THRB: variants seen among roughly 807,000 people sequenced by gnomAD.
THRB encodes the protein nuclear receptor subfamily 1 group A member 2.
THRB carries 12 observed loss-of-function variants against 47.8 expected under a neutral mutation model. The observed-to-expected ratio is 0.25, with a 90% CI of 0.16 to 0.41. The LOEUF (loss-of-function observed/expected upper bound fraction) is 0.41, where lower values mean the gene tolerates loss of function less well. Ranked by LOEUF, THRB falls within the 10% of genes least tolerant of loss-of-function variation. THRB has a pLI of 1.00. For missense variants in THRB, 348 were observed against 589.2 expected (o/e 0.59, Z 4.24); for synonymous variants, 218 against 212.2 (o/e 1.03, Z -0.24).
In THRB at chr3:24,218,427, T is replaced by C. The variant is rs2046836096; in HGVS notation, c.22+10511A>G. On this transcript the variant is annotated intron_variant, in intron 4 of 10. Coordinates refer to ENST00000646209, the MANE Select transcript of THRB (RefSeq NM_001354712.2). ...AAAATTCTAGCTAGGGTGCTAAATT[T>C]GTATGTGACACTAGTGAGAAGACAT... Among the ~76,000 whole-genome samples the C allele has an allele frequency of 2.0e-5, 3 of 150,878 alleles. 1 individual carries two copies. The South Asian group carries it at 6.3e-4, about 31-fold the overall frequency.
chr3:24,152,531 G>A (rs1233471356), intron 5 of THRB, 41 bp from the exon 6 acceptor site: 1 of 1,101,704 alleles, frequency 9.1e-7, no homozygotes, highest in Admixed American at 1.7e-5. Context: ...AAAATAATAT[G>A]TTAACGTCAA....
chr3:24,280,515 TA>T (rs1216565011), intron 3 of THRB, among the ~76,000 whole-genome samples: 1 of 152,112 alleles, frequency 6.6e-6, no homozygotes, highest in East Asian at 1.9e-4. Flanking sequence ...CTGGAAACTC[TA>T]AAAAGCAGAG....
At chr3:24,464,255 GAA>G (rs557030205) in intron 1 of THRB, among the ~76,000 whole-genome samples, 1 of 130,354 alleles carries the variant, frequency 7.7e-6, no homozygotes. Context: ...AAAAAAAAAA[GAA>G]AAAAAAAAAA....
intron 2 of THRB, among the ~76,000 whole-genome samples, chr3:24,321,207 T>C (rs377458652): frequency 6.6e-6 from 1 of 152,148 alleles, no homozygotes; most frequent in Non-Finnish European, 1.5e-5. Context: ...ACATAACCAG[T>C]TGTGTTACTA....
rs551456103 is a variant in THRB at position 24,447,291 on chromosome 3, T to C, written c.-261+47361A>G. ...AGAAAACCCCAACAACCCTTAAGTATGATTGAATATTTTGTACTCTGTAAT... is the reference window on the plus strand; with the variant it reads ...AGAAAACCCCAACAACCCTTAAGTACGATTGAATATTTTGTACTCTGTAAT... On this transcript the variant is annotated intron_variant, in intron 1 of 10. Transcript: ENST00000646209. Among the ~76,000 whole-genome samples the C allele has an allele frequency of 4.6e-5, 7 of 152,292 alleles. No individual in the cohort carries two copies. In the South Asian group the frequency reaches 1.2e-3, roughly 27 times the overall value.
At chr3:24,174,713 C>A (rs994942762) in intron 5 of THRB, among the ~76,000 whole-genome samples, 2 of 152,076 alleles carry the variant, frequency 1.3e-5, no homozygotes, top group Non-Finnish European at 2.9e-5. Context: ...CTGGCTTGGT[C>A]ACACACAGTT....
chr3:24,309,283 A>G (rs1296150573), intron 2 of THRB, among the ~76,000 whole-genome samples: 1 of 152,250 alleles, frequency 6.6e-6, no homozygotes, highest in East Asian at 1.9e-4. Flanking sequence ...CTGCAACAAT[A>G]GTTTGACAAA....
chr3:24,191,635 C>T (rs1328089181), intron 4 of THRB, among the ~76,000 whole-genome samples: 1 of 152,144 alleles, frequency 6.6e-6, no homozygotes, highest in Admixed American at 6.5e-5. Context: ...AGCACCCTCT[C>T]GAAAGCTACC....
intron 3 of THRB, among the ~76,000 whole-genome samples, chr3:24,236,965 C>T (rs568054498): frequency 7.2e-4 from 109 of 152,272 alleles, no homozygotes; most frequent in East Asian, 3.5e-3. Flanking sequence ...AATCATACCA[C>T]GCTGTGATCC....
At chr3:24,252,318 A>G (rs2050747519) in intron 3 of THRB, among the ~76,000 whole-genome samples, 2 of 152,124 alleles carry the variant, frequency 1.3e-5, no homozygotes, top group Non-Finnish European at 2.9e-5. Flanking sequence ...ACAGAAGTTC[A>G]GAAACAGACC....
rs150720400 is a variant in THRB, at chr3:24,367,262, G to A, written c.-260-29891C>T. Reference sequence around the variant, plus strand: ...GAGCATTTGTACATGGCAAGAGATCGGGGAAGCCTTCAAAGTCAGACTGGT... The same window carrying A: ...GAGCATTTGTACATGGCAAGAGATCAGGGAAGCCTTCAAAGTCAGACTGGT... On this transcript the variant is annotated intron_variant, in intron 1 of 10. Transcript: ENST00000646209. Among the ~76,000 whole-genome samples the A allele has an allele frequency of 2.1e-3, 324 of 152,246 alleles. 3 individuals are homozygous for A. The highest frequency in any genetic ancestry group is 0.011 in the South Asian group (53 of 4,818).
chr3:24,283,081 T>G (rs1366988461), intron 3 of THRB, among the ~76,000 whole-genome samples: 1 of 151,138 alleles, frequency 6.6e-6, no homozygotes, highest in Non-Finnish European at 1.5e-5. Flanking sequence ...TAACTCATTT[T>G]ATGAGGCCAG....
At chr3:24,155,197 C>T (rs533092233) in intron 5 of THRB, among the ~76,000 whole-genome samples, 28 of 152,304 alleles carry the variant, frequency 1.8e-4, no homozygotes, top group African/African-American at 6.3e-4. Context: ...CTGGAATGGA[C>T]TCCTTTCATT....
chr3:24,198,945 A>C (rs1016296266), intron 4 of THRB, among the ~76,000 whole-genome samples: 2 of 152,120 alleles, frequency 1.3e-5, no homozygotes, highest in Non-Finnish European at 2.9e-5. Context: ...AAGGGAGGGA[A>C]CCATATTCAT....
chr3:24,398,305 T>A (rs1300127798), intron 1 of THRB, among the ~76,000 whole-genome samples: 1 of 152,132 alleles, frequency 6.6e-6, no homozygotes, highest in Non-Finnish European at 1.5e-5. Context: ...ACCTACAGAA[T>A]GGGAGAAAAC....
At chr3:24,133,505 G>A (rs1415250426) in intron 8 of THRB, 43 bp from the exon 9 acceptor site, 4 of 1,584,010 alleles carry the variant, frequency 2.5e-6, no homozygotes, top group Non-Finnish European at 2.6e-6. Flanking sequence ...AGAAGTTGAA[G>A]GGAGCTTTAT....
intron 5 of THRB, among the ~76,000 whole-genome samples, chr3:24,171,256 C>T (rs1385065682): frequency 6.6e-6 from 1 of 152,174 alleles, no homozygotes; most frequent in Non-Finnish European, 1.5e-5. Flanking sequence ...TTTGACCATG[C>T]TTTCTTGGAT....
intron 8 of THRB, among the ~76,000 whole-genome samples, chr3:24,139,847 A>G (rs928923535): frequency 3.3e-5 from 5 of 152,206 alleles, no homozygotes; most frequent in Admixed American, 1.3e-4. Flanking sequence ...CCCATATGAC[A>G]TATTTTTATA....
chr3:24,433,356 G>A (rs559979861), intron 1 of THRB, among the ~76,000 whole-genome samples: 2 of 152,222 alleles, frequency 1.3e-5, no homozygotes, highest in Admixed American at 1.3e-4. Context: ...AAGGATGCAG[G>A]AGGGGTCAGA....
Sources: gnomAD v4.1 joint callset for allele counts (sites outside exome capture counted in the v4.1 genomes callset) on GRCh38, gnomAD v4.1.1 for gene constraint, MANE v1.5 for transcripts, NCBI Gene and HGNC (gene_info 2026-07-23, HGNC 2026-07-21) for gene names.